Variants in CPNE1 observed in about 807,000 individuals in gnomAD.
The protein encoded by CPNE1 is copine-1.
Under a neutral mutation model 63.2 loss-of-function variants are expected in CPNE1, and 58 were observed. The ratio of observed to expected loss-of-function variants is 0.92; its 90% CI spans 0.74 to 1.14. The LOEUF (loss-of-function observed/expected upper bound fraction) is 1.14, where lower values mean the gene tolerates loss of function less well. Ranked by LOEUF, CPNE1 falls within the 50% of genes most tolerant of loss-of-function variation. The pLI is 0.00. For missense variants in CPNE1, 672 were observed against 661.7 expected (o/e 1.02, Z -0.17); for synonymous variants, 237 against 249.0 (o/e 0.95, Z 0.45).
intron 1 of CPNE1, chr20:35,655,234 T>G: frequency 6.2e-7 from 1 of 1,613,856 alleles, no homozygotes; most frequent in East Asian, 2.2e-5. Context: ...CACGCCCCCA[T>G]CAGGAATGGT....
rs575315278 is a variant in CPNE1 at position 35,626,168 on chromosome 20, G to A, written c.*73C>T. 1 of 1,468,526 alleles carries A rather than the reference G, an allele frequency of 6.8e-7. No individual in the cohort carries two copies. The highest frequency in any genetic ancestry group is 9.5e-7 in the Non-Finnish European group (1 of 1,048,064). 91.0% of individuals were successfully genotyped at this position (1,468,526 alleles called of 1,614,324 possible). ...AAAGTGCTAGCACTGAGGAGAGTGA[G>A]AAGGGTTGGGTTGTGGCCCAGAGGG... On this transcript the variant is annotated 3_prime_UTR_variant, in exon 16 of 16. Coordinates refer to ENST00000397443, the MANE Select transcript of CPNE1 (RefSeq NM_152925.3).
chr20:35,633,580 C>T (rs550033778), intron 1 of CPNE1, among the ~76,000 whole-genome samples: 3 of 152,308 alleles, frequency 2.0e-5, no homozygotes, highest in Admixed American at 2.0e-4. Flanking sequence ...CTCCCTTATT[C>T]TATGCTGTCT....
intron 1 of CPNE1, chr20:35,649,293 T>C (rs1789333626): frequency 6.6e-6 from 1 of 152,232 alleles, no homozygotes; most frequent in Admixed American, 6.5e-5. Flanking sequence ...GGCCCATACC[T>C]GTACACAACC....
At chr20:35,663,491 C>CT (rs1169777478) in intron 1 of CPNE1, among the ~76,000 whole-genome samples, 3 of 152,134 alleles carry the variant, frequency 2.0e-5, no homozygotes, top group Non-Finnish European at 4.4e-5. Flanking sequence ...TGCCATCACA[C>CT]TTTTTTCCAG....
In CPNE1 at chr20:35,626,107, A is replaced by C; in HGVS notation, c.*134T>G. The C allele has an allele frequency of 6.2e-6, 6 of 971,318 alleles. No individual in the cohort carries two copies. The highest frequency in any genetic ancestry group is 2.8e-5 in the South Asian group (2 of 72,570). 60.2% of individuals were successfully genotyped at this position (971,318 alleles called of 1,614,324 possible). A position where few individuals can be genotyped will look rare whatever the true frequency, so the allele number is the denominator to read the frequency against. ...GAGCAAAGGTGGGATCAAGAGCAGC[A>C]AAAGCAGAAACAAGTATAAAAGTAT... is the stretch of plus-strand genomic sequence containing the variant. On this transcript the variant is annotated 3_prime_UTR_variant, in exon 16 of 16. Coordinates refer to ENST00000397443, the MANE Select transcript of CPNE1 (RefSeq NM_152925.3).
intron 1 of CPNE1, among the ~76,000 whole-genome samples, chr20:35,643,651 G>A (rs1191680501): frequency 6.6e-6 from 1 of 152,130 alleles, no homozygotes; most frequent in Non-Finnish European, 1.5e-5. Flanking sequence ...GCTGAGGCAG[G>A]AGAATTGCTT....
At position 35,631,797 on chromosome 20, in the gene CPNE1, CCT is replaced by C; in HGVS notation, c.538-22_538-21del. Reference sequence around the variant, plus strand: ...GATGACCTGAAGGTGGAGGCCAAGGCCTCCAGTGAGCTCTGGCATGGCCCCCT... The same window carrying C: ...GATGACCTGAAGGTGGAGGCCAAGGCCCAGTGAGCTCTGGCATGGCCCCCT... On this transcript the variant is annotated intron_variant, in intron 6 of 15. Coordinates refer to ENST00000397443, the MANE Select transcript of CPNE1 (RefSeq NM_152925.3). The C allele has an allele frequency of 6.2e-7, 1 of 1,606,230 alleles. No homozygotes were observed. The highest frequency in any genetic ancestry group is 8.5e-7 in the Non-Finnish European group (1 of 1,173,538).
At chr20:35,656,610 C>T (rs1433431359) in intron 1 of CPNE1, among the ~76,000 whole-genome samples, 4 of 152,226 alleles carry the variant, frequency 2.6e-5, no homozygotes, top group African/African-American at 9.6e-5. Flanking sequence ...TCTCGGTTCA[C>T]GGCAACCTCC....
intron 1 of CPNE1, among the ~76,000 whole-genome samples, chr20:35,660,425 C>G (rs1440192775): frequency 6.6e-6 from 1 of 152,088 alleles, no homozygotes; most frequent in African/African-American, 2.4e-5. Flanking sequence ...ATTATGTTAC[C>G]CAGGCTGGTC....
rs764804358 is a variant in CPNE1, at chr20:35,631,232, G to C, written c.801+36C>G. ...TAGCAGTTGGTGTCATGGAGCTCAG[G>C]AATCAGAGCCTTGGTTACATGGGCT... On this transcript the variant is annotated intron_variant, in intron 9 of 15. Transcript: ENST00000397443. 3.7e-6 allele frequency: 6 copies of C among 1,612,676 alleles called. No individual in the cohort carries two copies. The South Asian group carries it at 5.5e-5, about 15-fold the overall frequency.
chr20:35,635,918 C>A (rs2032462430), intron 1 of CPNE1, among the ~76,000 whole-genome samples: 1 of 152,190 alleles, frequency 6.6e-6, no homozygotes, highest in Non-Finnish European at 1.5e-5. Context: ...CATGAACAGT[C>A]CCAGTGATAG....
intron 1 of CPNE1, among the ~76,000 whole-genome samples, chr20:35,657,602 G>A (rs2033974368): frequency 6.6e-6 from 1 of 152,074 alleles, no homozygotes; most frequent in Admixed American, 6.6e-5. Context: ...TTAAGAGCAG[G>A]GATTTACTGA....
intron 1 of CPNE1, among the ~76,000 whole-genome samples, chr20:35,638,985 A>C (rs76442768): frequency 0.039 from 5,859 of 152,088 alleles, 390 homozygotes; most frequent in African/African-American, 0.13. Context: ...CCCAGTGGAA[A>C]GGGAAACGTT....
chr20:35,662,982 AGCATATATAAAAATGTATTCCCT>A (rs2146387089), intron 1 of CPNE1, among the ~76,000 whole-genome samples: 1 of 152,352 alleles, frequency 6.6e-6, no homozygotes, highest in African/African-American at 2.4e-5. Context: ...CATTTAATCG[AGCATATATAAAAATGTATTCCCT>A]GTTTCATTAA....
chr20:35,626,443 T>C (rs2031746993), intron 15 of CPNE1, 62 bp from the exon 16 acceptor site: 4 of 1,605,784 alleles, frequency 2.5e-6, no homozygotes, highest in Middle Eastern at 1.7e-4. Context: ...CTGTATTTCA[T>C]GCTCAAGAAC....
chr20:35,637,166 A>C (rs186868931), intron 1 of CPNE1, among the ~76,000 whole-genome samples: 1 of 151,708 alleles, frequency 6.6e-6, no homozygotes, highest in East Asian at 1.9e-4. Flanking sequence ...AACAACCCCT[A>C]CCTAACTTCA....
chr20:35,654,326 G>A lies in CPNE1; in HGVS notation c.-1+10434C>T, dbSNP rs766386789. ...CGACCTACATGATCTTTCAACAAATGCACTGCATCAACACGGAGCCCATGA... is the reference window on the plus strand; with the variant it reads ...CGACCTACATGATCTTTCAACAAATACACTGCATCAACACGGAGCCCATGA... On this transcript the variant is annotated intron_variant, in intron 1 of 15. Coordinates refer to ENST00000397443, the MANE Select transcript of CPNE1 (RefSeq NM_152925.3). 36 of 1,613,968 alleles carry A rather than the reference G, an allele frequency of 2.2e-5. No individual in the cohort carries two copies. In the South Asian group the frequency reaches 4.0e-4, roughly 18 times the overall value.
intron 1 of CPNE1, chr20:35,654,340 C>A (rs771722891): frequency 6.2e-7 from 1 of 1,614,050 alleles, no homozygotes. Flanking sequence ...TGCATCAACA[C>A]GGAGCCCATG....
chr20:35,631,120 G>A lies in CPNE1; in HGVS notation c.855C>T (p.Asn285=). Residue 285 remains asparagine (N), a synonymous_variant, in exon 10 of 16, where the codon AAC becomes AAT. Transcript: ENST00000397443. ...CCTTGGTAAAGTAACTTACAGTGAAGTTGATCTGACAGCCTCCCATCACAT... is the reference window on the plus strand; with the variant it reads ...CCTTGGTAAAGTAACTTACAGTGAAATTGATCTGACAGCCTCCCATCACAT... ...LDYVMGGCQI[N]FTVGVDFTGS... 1 of 1,614,172 alleles carries A rather than the reference G, an allele frequency of 6.2e-7. No homozygotes were observed. The highest frequency in any genetic ancestry group is 8.5e-7 in the Non-Finnish European group (1 of 1,180,028).
Sources: gnomAD v4.1 joint callset for allele counts (sites outside exome capture counted in the v4.1 genomes callset) on GRCh38, gnomAD v4.1.1 for gene constraint, MANE v1.5 for transcripts, NCBI Gene and HGNC (gene_info 2026-07-23, HGNC 2026-07-21) for gene names.